Variants in PAPSS1 observed in about 807,000 individuals in gnomAD.
PAPSS1 encodes the protein bifunctional 3'-phosphoadenosine 5'-phosphosulfate synthase 1.
In PAPSS1, 50 loss-of-function variants were observed where a neutral mutation model predicts 72.0. The observed-to-expected ratio is 0.69, with a 90% CI of 0.55 to 0.88. The LOEUF (loss-of-function observed/expected upper bound fraction) is 0.88, where lower values mean the gene tolerates loss of function less well. Ranked by LOEUF, PAPSS1 falls within the 40% of genes least tolerant of loss-of-function variation. PAPSS1 has a pLI of 0.00. For missense variants in PAPSS1, 657 were observed against 782.2 expected (o/e 0.84, Z 1.91); for synonymous variants, 261 against 263.6 (o/e 0.99, Z 0.09).
intron 11 of PAPSS1, among the ~76,000 whole-genome samples, chr4:107,628,335 G>A (rs765220730): frequency 6.6e-6 from 1 of 152,098 alleles, no homozygotes; most frequent in South Asian, 2.1e-4. Context: ...TAAATCAAAT[G>A]ACAACAAACT....
chr4:107,680,182 G>C (rs867116020), intron 5 of PAPSS1, among the ~76,000 whole-genome samples: 8 of 151,630 alleles, frequency 5.3e-5, no homozygotes, highest in Middle Eastern at 3.4e-3. Flanking sequence ...AAAAACTAAT[G>C]AAAAAAATAT....
At chr4:107,714,917 G>C (rs933170412) in intron 1 of PAPSS1, among the ~76,000 whole-genome samples, 3 of 152,150 alleles carry the variant, frequency 2.0e-5, no homozygotes, top group African/African-American at 7.2e-5. Flanking sequence ...CCAGAAGCCA[G>C]GGTGCAAAAC....
At chr4:107,712,211 C>T (rs906225843) in intron 1 of PAPSS1, among the ~76,000 whole-genome samples, 1 of 152,158 alleles carries the variant, frequency 6.6e-6, no homozygotes, top group Non-Finnish European at 1.5e-5. Context: ...TAAGACACTC[C>T]TAGAAGTCAG....
chr4:107,660,543 C>T (rs1273946494), intron 5 of PAPSS1, among the ~76,000 whole-genome samples: 1 of 152,164 alleles, frequency 6.6e-6, no homozygotes, highest in Non-Finnish European at 1.5e-5. Context: ...TTTACTTCCA[C>T]CACTGTGGTT....
chr4:107,637,519 C>G (rs1314808371), intron 10 of PAPSS1, among the ~76,000 whole-genome samples: 1 of 152,158 alleles, frequency 6.6e-6, no homozygotes, highest in Non-Finnish European at 1.5e-5. Flanking sequence ...TTCCAGAAAT[C>G]TGGCAGATTA....
chr4:107,650,524 T>G (rs534451318), intron 9 of PAPSS1, among the ~76,000 whole-genome samples: 1 of 152,322 alleles, frequency 6.6e-6, no homozygotes, highest in East Asian at 1.9e-4. Flanking sequence ...GTTCCAGATA[T>G]GAATTCAAAT....
intron 5 of PAPSS1, among the ~76,000 whole-genome samples, chr4:107,679,811 G>T (rs999031858): frequency 4.0e-5 from 6 of 151,700 alleles, no homozygotes; most frequent in African/African-American, 1.5e-4. Flanking sequence ...TTTTAACTGG[G>T]ATTAAGTTAA....
chr4:107,653,597 A>C lies in PAPSS1; in HGVS notation c.1131T>G (p.Ile377Met). Reference sequence around the variant, plus strand: ...GATCCAAGACTTGAAGATCTCCTCCAATCAGCCAATCTCCTTGTTCCATCA... The same window carrying C: ...GATCCAAGACTTGAAGATCTCCTCCCATCAGCCAATCTCCTTGTTCCATCA... Reference protein sequence around the residue: ...KMVMEQGDWLIGGDLQVLDRV... With the variant: ...KMVMEQGDWLMGGDLQVLDRV... The change falls in exon 9 of 12, where the codon ATT (isoleucine) becomes ATG (methionine). Residue 377 changes from isoleucine (I) to methionine (M), a missense_variant. Ile to Met is a conservative substitution (Grantham distance 10). Coordinates refer to ENST00000265174, the MANE Select transcript of PAPSS1 (RefSeq NM_005443.5). The C allele has an allele frequency of 6.2e-7, 1 of 1,613,602 alleles. No individual in the cohort carries two copies. Among genetic ancestry groups the C allele is most frequent in the South Asian group, 1.1e-5 (1 of 91,006 alleles).
intron 3 of PAPSS1, among the ~76,000 whole-genome samples, chr4:107,691,238 T>C (rs1722911038): frequency 1.3e-5 from 2 of 152,130 alleles, no homozygotes; most frequent in Admixed American, 1.3e-4. Context: ...AGAATTGTGC[T>C]AATATAATTT....
chr4:107,701,053 T>G, intron 2 of PAPSS1, 118 bp downstream of exon 2: 1 of 508,088 alleles, frequency 2.0e-6, no homozygotes, highest in East Asian at 3.1e-5. Context: ...GTCAGTTATA[T>G]GTCGTGATGC....
At chr4:107,683,868 G>A (rs1722700073) in intron 4 of PAPSS1, among the ~76,000 whole-genome samples, 1 of 151,866 alleles carries the variant, frequency 6.6e-6, no homozygotes, top group South Asian at 2.1e-4. Flanking sequence ...AACTTGCTAA[G>A]CATCATTTAC....
chr4:107,663,357 G>A (rs924002475), intron 5 of PAPSS1, among the ~76,000 whole-genome samples: 6 of 152,008 alleles, frequency 3.9e-5, no homozygotes, highest in African/African-American at 1.5e-4. Context: ...ATCTTACAAC[G>A]TGTCTCCCCA....
At chr4:107,627,220 A>T (rs1726121974) in intron 11 of PAPSS1, among the ~76,000 whole-genome samples, 1 of 152,206 alleles carries the variant, frequency 6.6e-6, no homozygotes, top group Non-Finnish European at 1.5e-5. Flanking sequence ...AGAAAAGCTC[A>T]ACTCTTTTTA....
intron 5 of PAPSS1, among the ~76,000 whole-genome samples, chr4:107,665,580 C>G (rs1037853785): frequency 6.6e-6 from 1 of 152,146 alleles, no homozygotes; most frequent in African/African-American, 2.4e-5. Flanking sequence ...TCCAGTCACC[C>G]AGCACTGAAG....
intron 10 of PAPSS1, among the ~76,000 whole-genome samples, chr4:107,633,409 T>A (rs924711242): frequency 6.6e-6 from 1 of 152,196 alleles, no homozygotes; most frequent in East Asian, 1.9e-4. Context: ...CACAACTGTT[T>A]TTCCTAGAGT....
At position 107,687,165 on chromosome 4, in the gene PAPSS1, C is replaced by T. The variant is rs1047364810; in HGVS notation, c.424G>A (p.Ala142Thr). ...CTTGCACCTTCATGAATTTGCCTTG[C>T]ATTGTTGCGATCCTTAAAAAAAAAT... ...ISPYTQDRNN[A>T]RQIHEGASLP... Residue 142 changes from alanine to threonine, a missense_variant, in exon 4 of 12, where the codon GCA becomes ACA. Ala to Thr is a moderately conservative substitution (Grantham distance 58). This residue lies in a region of PAPSS1 where 119 missense variants were observed against 171.1 expected (regional missense o/e 0.70). Coordinates refer to ENST00000265174, the MANE Select transcript of PAPSS1 (RefSeq NM_005443.5). 6.4e-7 allele frequency: 1 copy of T among 1,574,390 alleles called. No homozygotes were observed. The highest frequency in any genetic ancestry group is 8.6e-7 in the Non-Finnish European group (1 of 1,167,270).
At chr4:107,655,109 A>AAG (rs1422008098) in intron 7 of PAPSS1, among the ~76,000 whole-genome samples, 1 of 151,156 alleles carries the variant, frequency 6.6e-6, no homozygotes, top group Admixed American at 6.6e-5. Context: ...CCAAGTTAAA[A>AAG]AAAAAAAAAA....
At chr4:107,618,325 GAGAT>G (rs981864186) in intron 11 of PAPSS1, among the ~76,000 whole-genome samples, 12 of 150,512 alleles carry the variant, frequency 8.0e-5, no homozygotes, top group African/African-American at 2.7e-4. Context: ...ATAAAAGAAA[GAGAT>G]AGAGCAGTGA....
intron 11 of PAPSS1, among the ~76,000 whole-genome samples, chr4:107,619,279 A>G (rs967544885): frequency 7.9e-5 from 12 of 152,146 alleles, no homozygotes; most frequent in South Asian, 2.1e-4. Context: ...GTCCCTGGGT[A>G]CCTCTTGTCC....
Sources: gnomAD v4.1 joint callset for allele counts (sites outside exome capture counted in the v4.1 genomes callset) on GRCh38, gnomAD v4.1.1 for gene constraint, gnomAD v4.1.1 regional missense constraint, MANE v1.5 for transcripts, NCBI Gene and HGNC (gene_info 2026-07-23, HGNC 2026-07-21) for gene names.